CLMP: variants seen among roughly 807,000 people sequenced by gnomAD.
The protein encoded by CLMP is CXADR-like membrane protein.
In CLMP, 27 loss-of-function variants were observed where a neutral mutation model predicts 45.2. That is an observed-to-expected ratio of 0.60 (90% confidence interval 0.44 to 0.82). The LOEUF is 0.82. CLMP is among the 40% of genes least tolerant of loss of function. The pLI is 0.00. For missense variants in CLMP, 403 were observed against 448.4 expected (o/e 0.90, Z 0.91); for synonymous variants, 167 against 171.4 (o/e 0.97, Z 0.20).
chr11:123,082,178 ATAAC>A (rs1187963037), intron 5 of CLMP, among the ~76,000 whole-genome samples: 5 of 152,258 alleles, frequency 3.3e-5, no homozygotes, highest in Non-Finnish European at 5.9e-5. Flanking sequence ...GTAGTGGCAT[ATAAC>A]TAACTAGCTG....
rs1565388036 is a variant in CLMP at position 123,119,046 on chromosome 11, CCTCTCCCTCTCTCTCT to C, written c.29-21110_29-21095del. ...CTCTCTCTCTCTCTCTCTCTCTCTCCCTCTCCCTCTCTCTCTCTCTCTCTCTCTCTCTCTCTCTCTC... is the reference window on the plus strand; with the variant it reads ...CTCTCTCTCTCTCTCTCTCTCTCTCCCTCTCTCTCTCTCTCTCTCTCTCTC... On this transcript the variant is annotated intron_variant, in intron 1 of 6. Coordinates refer to ENST00000448775, the MANE Select transcript of CLMP (RefSeq NM_024769.5). Among the ~76,000 whole-genome samples the C allele has an allele frequency of 8.1e-4, 4 of 4,966 alleles. 1 individual carries two copies. Among genetic ancestry groups the C allele is most frequent in the South Asian group, 5.7e-3 (1 of 174 alleles). The allele number at this position is 4,966 out of a possible 152,430, so 3.3% of individuals were successfully genotyped here.
rs1166159977 is a variant in CLMP, at chr11:123,150,416, T to TAAGAAAGAAAGAAAGA, written c.28+44481_28+44496dup. On this transcript the variant is annotated intron_variant, in intron 1 of 6. Coordinates refer to ENST00000448775, the MANE Select transcript of CLMP (RefSeq NM_024769.5). ...AGATGAACAAAAGAAGGAAGGAAGG[T>TAAGAAAGAAAGAAAGA]AAGAAAGAAAGAAAGAAAGAAAGAA... is the stretch of plus-strand genomic sequence containing the variant. Among the ~76,000 whole-genome samples the TAAGAAAGAAAGAAAGA allele has an allele frequency of 5.7e-3, 177 of 30,922 alleles. 12 individuals are homozygous for TAAGAAAGAAAGAAAGA. The highest frequency in any genetic ancestry group is 0.028 in the Middle Eastern group (1 of 36). 20.3% of individuals were successfully genotyped at this position (30,922 alleles called of 152,430 possible).
chr11:123,116,678 T>A (rs1324670045), intron 1 of CLMP, among the ~76,000 whole-genome samples: 2 of 152,208 alleles, frequency 1.3e-5, no homozygotes, highest in African/African-American at 2.4e-5. Context: ...GCTTTCACAA[T>A]TCACTAGATT....
intron 1 of CLMP, 89 bp from the exon 2 acceptor site, chr11:123,098,041 T>C: frequency 8.6e-7 from 1 of 1,166,170 alleles, no homozygotes; most frequent in Non-Finnish European, 1.2e-6. Flanking sequence ...TATGGGATGT[T>C]CCCGTGGGCA....
chr11:123,093,656 A>C (rs545283266), intron 2 of CLMP, among the ~76,000 whole-genome samples: 8 of 92,472 alleles, frequency 8.7e-5, no homozygotes, highest in African/African-American at 4.7e-4. Flanking sequence ...GGTGTGAGCC[A>C]CTGTGCCCAG....
chr11:123,090,585 C>T (rs1432632006), intron 2 of CLMP, among the ~76,000 whole-genome samples: 2 of 152,096 alleles, frequency 1.3e-5, no homozygotes, highest in East Asian at 1.9e-4. Flanking sequence ...AAGGGGGCTG[C>T]GTTACTTCAT....
intron 1 of CLMP, among the ~76,000 whole-genome samples, chr11:123,122,382 T>G (rs1490104808): frequency 6.6e-6 from 1 of 152,152 alleles, no homozygotes; most frequent in Non-Finnish European, 1.5e-5. Context: ...ACTTCCCCTG[T>G]TCAACAGACA....
intron 1 of CLMP, among the ~76,000 whole-genome samples, chr11:123,134,311 C>T (rs1861036936): frequency 6.6e-6 from 1 of 151,932 alleles, no homozygotes; most frequent in South Asian, 2.1e-4. Context: ...GTTACAGAGC[C>T]CCAGCAAAGG....
At chr11:123,154,372 G>T (rs1364690521) in intron 1 of CLMP, among the ~76,000 whole-genome samples, 2 of 152,194 alleles carry the variant, frequency 1.3e-5, no homozygotes, top group African/African-American at 4.8e-5. Flanking sequence ...TGGCTGGGGA[G>T]ACAGCCCAGC....
At chr11:123,168,590 G>C (rs1861590691) in intron 1 of CLMP, among the ~76,000 whole-genome samples, 1 of 152,062 alleles carries the variant, frequency 6.6e-6, no homozygotes, top group East Asian at 1.9e-4. Context: ...GGCTAACCCT[G>C]ACCAATAGTC....
At chr11:123,159,573 AT>A (rs145589536) in intron 1 of CLMP, among the ~76,000 whole-genome samples, 1 of 152,310 alleles carries the variant, frequency 6.6e-6, no homozygotes, top group Non-Finnish European at 1.5e-5. Flanking sequence ...GTTTTAATTT[AT>A]GTTAGCCTTA....
chr11:123,110,563 G>A (rs1220588729), intron 1 of CLMP, among the ~76,000 whole-genome samples: 2 of 151,934 alleles, frequency 1.3e-5, no homozygotes, highest in African/African-American at 4.8e-5. Context: ...AGGCTGTAGC[G>A]AGCCAAGATC....
chr11:123,138,947 C>T (rs762995186), intron 1 of CLMP, among the ~76,000 whole-genome samples: 7 of 152,060 alleles, frequency 4.6e-5, no homozygotes, highest in African/African-American at 7.2e-5. Flanking sequence ...TGAGCCACTG[C>T]GCCTGGACTC....
At position 123,071,877 on chromosome 11, in the gene CLMP, T is replaced by G. The variant is rs867343001; in HGVS notation, c.*1597A>C. 1.3e-5 allele frequency: 2 copies of G among 152,304 alleles called. No individual in the cohort carries two copies. Among genetic ancestry groups the G allele is most frequent in the Middle Eastern group, 3.4e-3 (1 of 294 alleles). 9.4% of individuals were successfully genotyped at this position (152,304 alleles called of 1,614,324 possible). On this transcript the variant is annotated 3_prime_UTR_variant, in exon 7 of 7. Coordinates refer to ENST00000448775, the MANE Select transcript of CLMP (RefSeq NM_024769.5). ...CAAGTTATTGTATTGCAGGCTGCTGTTTTCTTTATTTCTCAAACATCTTTC... is the reference window on the plus strand; with the variant it reads ...CAAGTTATTGTATTGCAGGCTGCTGGTTTCTTTATTTCTCAAACATCTTTC...
At chr11:123,157,522 C>A (rs1428230958) in intron 1 of CLMP, among the ~76,000 whole-genome samples, 1 of 152,072 alleles carries the variant, frequency 6.6e-6, no homozygotes, top group Non-Finnish European at 1.5e-5. Flanking sequence ...CATTGCACTT[C>A]AGCCTGTGCA....
At chr11:123,136,628 C>A (rs1861077150) in intron 1 of CLMP, among the ~76,000 whole-genome samples, 1 of 131,820 alleles carries the variant, frequency 7.6e-6, no homozygotes, top group Admixed American at 9.2e-5. Context: ...AGTGCAGTGG[C>A]GCGATCTTGG....
intron 1 of CLMP, among the ~76,000 whole-genome samples, chr11:123,129,709 T>C (rs1242779633): frequency 1.4e-5 from 2 of 143,392 alleles, no homozygotes; most frequent in East Asian, 3.9e-4. Flanking sequence ...TATTATATAT[T>C]ATATAATATA....
chr11:123,140,636 T>C (rs933189445), intron 1 of CLMP, among the ~76,000 whole-genome samples: 1 of 152,078 alleles, frequency 6.6e-6, no homozygotes, highest in Non-Finnish European at 1.5e-5. Context: ...CTCTGCCAAC[T>C]CTAGGCCAGG....
chr11:123,187,738 C>T (rs1289063999), intron 1 of CLMP, among the ~76,000 whole-genome samples: 1 of 152,078 alleles, frequency 6.6e-6, no homozygotes, highest in Non-Finnish European at 1.5e-5. Context: ...GTAACTGTGT[C>T]ACTGGCAGGT....
Sources: gnomAD v4.1 joint callset for allele counts (sites outside exome capture counted in the v4.1 genomes callset) on GRCh38, gnomAD v4.1.1 for gene constraint, MANE v1.5 for transcripts, NCBI Gene and HGNC (gene_info 2026-07-23, HGNC 2026-07-21) for gene names.